LDAH: variants seen among roughly 807,000 people sequenced by gnomAD.
LDAH encodes the protein lipid droplet associated hydrolase, also known as lipid droplet-associated hydrolase.
LDAH carries 26 observed loss-of-function variants against 29.6 expected under a neutral mutation model. The observed-to-expected ratio is 0.88, with a 90% CI of 0.64 to 1.22. LDAH has a LOEUF of 1.22. Ranked by LOEUF, LDAH falls within the 50% of genes most tolerant of loss-of-function variation. LDAH has a pLI of 0.00. For missense variants in LDAH, 344 were observed against 387.3 expected (o/e 0.89, Z 0.94); for synonymous variants, 117 against 133.0 (o/e 0.88, Z 0.83).
intron 4 of LDAH, among the ~76,000 whole-genome samples, chr2:20,764,393 A>C (rs1668889553): frequency 6.6e-6 from 1 of 152,210 alleles, no homozygotes; most frequent in Non-Finnish European, 1.5e-5. Flanking sequence ...GGTCACATAG[A>C]GGTAACTGTC....
At chr2:20,819,307 T>G (rs1465060235) in intron 1 of LDAH, among the ~76,000 whole-genome samples, 3 of 152,158 alleles carry the variant, frequency 2.0e-5, no homozygotes, top group Non-Finnish European at 2.9e-5. Flanking sequence ...CTTACCTATA[T>G]TAAATACACT....
intron 5 of LDAH, among the ~76,000 whole-genome samples, chr2:20,730,750 C>A (rs1369900964): frequency 6.6e-6 from 1 of 151,148 alleles, no homozygotes; most frequent in East Asian, 1.9e-4. Flanking sequence ...TTCTTTTTTT[C>A]TTTTGGCCTA....
At chr2:20,734,021 T>G (rs965231974) in intron 5 of LDAH, among the ~76,000 whole-genome samples, 1 of 152,200 alleles carries the variant, frequency 6.6e-6, no homozygotes, top group Non-Finnish European at 1.5e-5. Flanking sequence ...GATATCAACA[T>G]GTTGATATCA....
At chr2:20,711,688 C>A (rs1018919779) in intron 5 of LDAH, among the ~76,000 whole-genome samples, 14 of 152,152 alleles carry the variant, frequency 9.2e-5, no homozygotes, top group African/African-American at 3.1e-4. Context: ...TGCTCAAATA[C>A]TGCACTTTTC....
intron 5 of LDAH, among the ~76,000 whole-genome samples, chr2:20,710,601 T>TGTGG: frequency 7.4e-6 from 1 of 135,080 alleles, no homozygotes; most frequent in East Asian, 2.3e-4. Flanking sequence ...TGTGTGTGTG[T>TGTGG]GTGTGTATAT....
intron 6 of LDAH, among the ~76,000 whole-genome samples, chr2:20,691,171 T>C (rs1024368864): frequency 6.6e-6 from 1 of 151,966 alleles, no homozygotes; most frequent in African/African-American, 2.4e-5. Context: ...ACAGCCACCT[T>C]TATTTTTATT....
At chr2:20,738,524 C>T (rs935069748) in intron 5 of LDAH, among the ~76,000 whole-genome samples, 5 of 151,956 alleles carry the variant, frequency 3.3e-5, no homozygotes, top group Admixed American at 1.3e-4. Flanking sequence ...TTCTTTCTTG[C>T]GCGAGATCCA....
At position 20,750,150 on chromosome 2, in the gene LDAH, G is replaced by A. The variant is rs571599733; in HGVS notation, c.469-9945C>T. Among the ~76,000 whole-genome samples, 18 of 150,772 alleles carry A rather than the reference G, an allele frequency of 1.2e-4. No individual in the cohort carries two copies. The South Asian group carries it at 1.7e-3, about 14-fold the overall frequency. On this transcript the variant is annotated intron_variant, in intron 4 of 6. Transcript: ENST00000237822. Reference sequence around the variant, plus strand: ...AGGCAATTCTTCCACCTCATCCTCCGTAGTAGCTGGGATTGCAGGCACATG... The same window carrying A: ...AGGCAATTCTTCCACCTCATCCTCCATAGTAGCTGGGATTGCAGGCACATG...
chr2:20,701,935 GT>G, intron 5 of LDAH, among the ~76,000 whole-genome samples: 1 of 152,310 alleles, frequency 6.6e-6, no homozygotes, highest in Non-Finnish European at 1.5e-5. Flanking sequence ...AGCAGATGAT[GT>G]GTGCAATTTT....
At chr2:20,690,046 C>T (rs574244155) in intron 6 of LDAH, among the ~76,000 whole-genome samples, 7 of 152,316 alleles carry the variant, frequency 4.6e-5, no homozygotes, top group South Asian at 4.1e-4. Context: ...CCATGAAGAA[C>T]GTACCATTTA....
In LDAH at chr2:20,685,741, G is replaced by A; in HGVS notation, c.*1162C>T. On this transcript the variant is annotated 3_prime_UTR_variant, in exon 7 of 7. Coordinates refer to ENST00000237822, the MANE Select transcript of LDAH (RefSeq NM_021925.4). ...TCAAGATTGAGTCAATTTAGGGGAG[G>A]CAGCAATATTGTCAGCCCACTCTAG... The A allele has an allele frequency of 6.8e-7, 1 of 1,472,460 alleles. No homozygotes were observed. The highest frequency in any genetic ancestry group is 9.0e-7 in the Non-Finnish European group (1 of 1,105,424). The allele number at this position is 1,472,460 out of a possible 1,614,324, so 91.2% of individuals were successfully genotyped here. A position where few individuals can be genotyped will look rare whatever the true frequency, so the allele number is the denominator to read the frequency against.
chr2:20,752,608 G>T (rs979077789), intron 4 of LDAH, among the ~76,000 whole-genome samples: 1 of 149,792 alleles, frequency 6.7e-6, no homozygotes, highest in Non-Finnish European at 1.5e-5. Flanking sequence ...ACAGGTCTTC[G>T]TACTGAAATA....
chr2:20,691,500 C>G (rs1663021792), intron 6 of LDAH, among the ~76,000 whole-genome samples: 1 of 152,174 alleles, frequency 6.6e-6, no homozygotes, highest in Admixed American at 6.5e-5. Context: ...TTACTGAAAG[C>G]CTTCTCACAG....
chr2:20,702,650 A>AT (rs1195448045), intron 5 of LDAH, among the ~76,000 whole-genome samples: 1 of 151,936 alleles, frequency 6.6e-6, no homozygotes, highest in African/African-American at 2.4e-5. Context: ...TATAAATTCC[A>AT]TTTTTATTTA....
chr2:20,821,541 TC>T (rs954923581), intron 1 of LDAH, among the ~76,000 whole-genome samples: 5 of 152,062 alleles, frequency 3.3e-5, no homozygotes, highest in African/African-American at 1.2e-4. Context: ...CCACATGTTC[TC>T]ACTCATAGGT....
At chr2:20,726,303 T>C (rs1666011594) in intron 5 of LDAH, among the ~76,000 whole-genome samples, 1 of 152,180 alleles carries the variant, frequency 6.6e-6, no homozygotes, top group Admixed American at 6.5e-5. Flanking sequence ...TTCTGACTAT[T>C]CCTGAGGCTG....
rs1338337357 is a variant in LDAH, at chr2:20,820,913, T to G, written c.-3+2124A>C. ...GAATCTACAAAGAACTCAAACAAAT[T>G]TACAAGAAAAAAACAAACAACCCCA... On this transcript the variant is annotated intron_variant, in intron 1 of 6. Transcript: ENST00000237822. Among the ~76,000 whole-genome samples the G allele has an allele frequency of 2.0e-3, 284 of 139,572 alleles. 3 individuals carry two copies. The highest frequency in any genetic ancestry group is 7.0e-3 in the African/African-American group (259 of 36,770). 91.6% of individuals were successfully genotyped at this position (139,572 alleles called of 152,430 possible).
chr2:20,760,955 A>C (rs952074842), intron 4 of LDAH, among the ~76,000 whole-genome samples: 1 of 152,154 alleles, frequency 6.6e-6, no homozygotes, highest in African/African-American at 2.4e-5. Context: ...CACACCCCTA[A>C]GCTCTTTCCT....
At chr2:20,795,721 C>A (rs1671259074) in intron 2 of LDAH, among the ~76,000 whole-genome samples, 1 of 151,954 alleles carries the variant, frequency 6.6e-6, no homozygotes, top group African/African-American at 2.4e-5. Context: ...ATCCATTAAA[C>A]ATCAGACTAC....
Sources: gnomAD v4.1 joint callset for allele counts (sites outside exome capture counted in the v4.1 genomes callset) on GRCh38, gnomAD v4.1.1 for gene constraint, MANE v1.5 for transcripts, NCBI Gene and HGNC (gene_info 2026-07-23, HGNC 2026-07-21) for gene names.